TFCP2: variants seen among roughly 807,000 people sequenced by gnomAD.
TFCP2 encodes alpha-globin transcription factor CP2.
Under a neutral mutation model 73.4 loss-of-function variants are expected in TFCP2, and 33 were observed. That is an observed-to-expected ratio of 0.45 (90% confidence interval 0.34 to 0.60). The LOEUF is 0.60. Ranked by LOEUF, TFCP2 falls within the 20% of genes least tolerant of loss-of-function variation. The pLI is 0.01. For missense variants in TFCP2, 352 were observed against 604.0 expected (o/e 0.58, Z 4.37); for synonymous variants, 193 against 211.6 (o/e 0.91, Z 0.76).
chr12:51,103,664 T>C lies in TFCP2; in HGVS notation c.1060+6A>G, dbSNP rs770009336. On this transcript the variant is annotated splice_donor_region_variant and intron_variant, in intron 10 of 14. Transcript: ENST00000257915. ...TAGGGAAAACAAAAGAAAAAGAAAA[T>C]TTAACCTGAGAAGTTTGTGAAAAGC... The C allele has an allele frequency of 6.2e-7, 1 of 1,609,546 alleles. No homozygotes were observed. The highest frequency in any genetic ancestry group is 1.3e-5 in the African/African-American group (1 of 74,542).
At chr12:51,104,312 T>A in intron 8 of TFCP2, 109 bp from the exon 9 acceptor site, 1 of 912,282 alleles carries the variant, frequency 1.1e-6, no homozygotes, top group South Asian at 1.7e-5. Flanking sequence ...AAAAAAAATC[T>A]GTGCTCTCTC....
At chr12:51,132,981 ATTG>A (rs1396910315) in intron 1 of TFCP2, among the ~76,000 whole-genome samples, 1 of 152,178 alleles carries the variant, frequency 6.6e-6, no homozygotes, top group African/African-American at 2.4e-5. Flanking sequence ...ATGAGATGTC[ATTG>A]TTGTTTGAGC....
intron 1 of TFCP2, among the ~76,000 whole-genome samples, chr12:51,139,670 A>G (rs1043364932): frequency 2.0e-5 from 3 of 152,118 alleles, no homozygotes; most frequent in Admixed American, 2.0e-4. Flanking sequence ...GAGACACTGC[A>G]CCTGGCCTCT....
chr12:51,143,583 C>A (rs1396215181), intron 1 of TFCP2, among the ~76,000 whole-genome samples: 1 of 151,856 alleles, frequency 6.6e-6, no homozygotes, highest in Non-Finnish European at 1.5e-5. Flanking sequence ...CTGACACTAC[C>A]CTAATTATTT....
intron 1 of TFCP2, among the ~76,000 whole-genome samples, chr12:51,134,878 G>A (rs1941026884): frequency 6.6e-6 from 1 of 152,220 alleles, no homozygotes; most frequent in Non-Finnish European, 1.5e-5. Context: ...GGAGGCCAAG[G>A]CAGGAGGATC....
At chr12:51,106,913 G>T in intron 7 of TFCP2, 1 of 498,686 alleles carries the variant, frequency 2.0e-6, no homozygotes. Context: ...AATTGAAGGT[G>T]GTTTATGCCC....
At chr12:51,117,650 A>G (rs750919046) in intron 3 of TFCP2, 21 bp downstream of exon 3, 3 of 1,579,714 alleles carry the variant, frequency 1.9e-6, no homozygotes, top group Non-Finnish European at 2.6e-6. Context: ...ATTGTACAGA[A>G]GAATGATTTA....
At chr12:51,170,690 T>C (rs866631132) in intron 1 of TFCP2, among the ~76,000 whole-genome samples, 1 of 152,062 alleles carries the variant, frequency 6.6e-6, no homozygotes, top group South Asian at 2.1e-4. Context: ...TCCCCCTTTT[T>C]TTTTTTGAGA....
At chr12:51,121,665 C>T (rs919203370) in intron 1 of TFCP2, among the ~76,000 whole-genome samples, 2 of 151,556 alleles carry the variant, frequency 1.3e-5, no homozygotes, top group African/African-American at 4.8e-5. Flanking sequence ...GAGGTCTCAC[C>T]ATGTTGGCCA....
intron 3 of TFCP2, among the ~76,000 whole-genome samples, chr12:51,116,812 T>C (rs963855785): frequency 3.9e-5 from 6 of 152,132 alleles, no homozygotes; most frequent in African/African-American, 1.4e-4. Context: ...AGACAGGGTT[T>C]CTCCATGTTG....
At chr12:51,111,045 G>T in intron 4 of TFCP2, 62 bp from the exon 5 acceptor site, 2 of 1,146,094 alleles carry the variant, frequency 1.7e-6, no homozygotes, top group Non-Finnish European at 2.6e-6. Context: ...AAATAAGAAA[G>T]CATTGATTCT....
chr12:51,107,997 T>C (rs1390838174), intron 6 of TFCP2, among the ~76,000 whole-genome samples: 1 of 151,316 alleles, frequency 6.6e-6, no homozygotes, highest in Non-Finnish European at 1.5e-5. Flanking sequence ...AGGAAGGAAC[T>C]AGAAGAGCTG....
chr12:51,154,981 A>G (rs370234110), intron 1 of TFCP2, among the ~76,000 whole-genome samples: 1 of 152,156 alleles, frequency 6.6e-6, no homozygotes, highest in East Asian at 1.9e-4. Context: ...CTGGTGTGTG[A>G]GTAGGTTGAT....
At chr12:51,106,459 A>T in intron 8 of TFCP2, 66 bp downstream of exon 8, 1 of 1,186,910 alleles carries the variant, frequency 8.4e-7, no homozygotes. Context: ...GATCTTGTTT[A>T]TGAACAGGTA....
chr12:51,141,800 G>A (rs1174694606), intron 1 of TFCP2, among the ~76,000 whole-genome samples: 1 of 151,696 alleles, frequency 6.6e-6, no homozygotes, highest in Non-Finnish European at 1.5e-5. Flanking sequence ...CACCTACTCG[G>A]GAGGCTGAGG....
chr12:51,117,851 T>A, intron 2 of TFCP2, 104 bp from the exon 3 acceptor site: 1 of 682,782 alleles, frequency 1.5e-6, no homozygotes, highest in Non-Finnish European at 2.5e-6. Flanking sequence ...TATAATAATA[T>A]TATTAGTATT....
intron 1 of TFCP2, among the ~76,000 whole-genome samples, chr12:51,136,272 GCA>G (rs1941058731): frequency 6.8e-6 from 1 of 146,770 alleles, no homozygotes; most frequent in African/African-American, 2.5e-5. Context: ...TCGCGCCATT[GCA>G]CTCCAGCCAA....
intron 1 of TFCP2, among the ~76,000 whole-genome samples, chr12:51,169,581 G>A (rs1941820617): frequency 6.6e-6 from 1 of 151,990 alleles, no homozygotes; most frequent in Non-Finnish European, 1.5e-5. Context: ...AAAAAAGCCA[G>A]GCGTAGTGTT....
intron 1 of TFCP2, among the ~76,000 whole-genome samples, chr12:51,138,095 A>T (rs1941102763): frequency 1.3e-5 from 2 of 151,982 alleles, no homozygotes; most frequent in South Asian, 2.1e-4. Flanking sequence ...GCAAGCACAG[A>T]CACTTTTCTG....
Sources: gnomAD v4.1 joint callset for allele counts (sites outside exome capture counted in the v4.1 genomes callset) on GRCh38, gnomAD v4.1.1 for gene constraint, MANE v1.5 for transcripts, NCBI Gene and HGNC (gene_info 2026-07-23, HGNC 2026-07-21) for gene names.